Variants in ELF2 observed in about 807,000 individuals in gnomAD.
The protein encoded by ELF2 is E74 like ETS transcription factor 2.
Under a neutral mutation model 54.8 loss-of-function variants are expected in ELF2, and 11 were observed. That is an observed-to-expected ratio of 0.20 (90% CI 0.13 to 0.33). The LOEUF is 0.33. Among genes scored for constraint, ELF2 ranks in the 10% least tolerant of loss-of-function variants. The pLI is 1.00. For synonymous variants in ELF2, 203 were observed against 245.1 expected, an observed-to-expected ratio of 0.83 and a Z score of 1.61; for missense variants, 513 against 703.0, an observed-to-expected ratio of 0.73 and a Z score of 3.06.
At chr4:139,164,835 T>C (rs565984985) in intron 1 of ELF2, among the ~76,000 whole-genome samples, 3 of 152,342 alleles carry the variant, frequency 2.0e-5, no homozygotes, top group Non-Finnish European at 2.9e-5. Context: ...CTGATGTGTC[T>C]GAATTGCTCC....
At chr4:139,144,996 C>G (rs1029506869) in intron 1 of ELF2, among the ~76,000 whole-genome samples, 4 of 152,248 alleles carry the variant, frequency 2.6e-5, no homozygotes, top group Non-Finnish European at 4.4e-5. Context: ...CCATGGGTAA[C>G]ATAAGACAAG....
chr4:139,169,399 C>G (rs1030953564), intron 1 of ELF2, among the ~76,000 whole-genome samples: 4 of 151,724 alleles, frequency 2.6e-5, no homozygotes, highest in Non-Finnish European at 4.4e-5. Context: ...GGCCACAACC[C>G]TGCACAAAGG....
intron 4 of ELF2, chr4:139,084,107 CGG>C: frequency 6.2e-7 from 1 of 1,613,022 alleles, no homozygotes; most frequent in South Asian, 1.1e-5. Context: ...CACCGATGCA[CGG>C]GAGAAAAGTT....
chr4:139,080,943 G>GA (rs374005271), intron 4 of ELF2, among the ~76,000 whole-genome samples: 9,876 of 106,644 alleles, frequency 0.093, 430 homozygotes, highest in East Asian at 0.28. Context: ...TGTAATATTA[G>GA]AAAAAAAAAA....
intron 4 of ELF2, among the ~76,000 whole-genome samples, chr4:139,099,574 G>C (rs1243222902): frequency 2.0e-5 from 3 of 152,112 alleles, no homozygotes. Flanking sequence ...CTACCACCAG[G>C]TGGCACCAAA....
chr4:139,114,979 A>T (rs1735474442), intron 4 of ELF2: 2 of 1,613,734 alleles, frequency 1.2e-6, no homozygotes, highest in South Asian at 2.2e-5. Flanking sequence ...GATCTTGTCC[A>T]GCAGACCAGA....
intron 4 of ELF2, among the ~76,000 whole-genome samples, chr4:139,094,133 CA>C (rs765005698): frequency 6.6e-6 from 1 of 152,054 alleles, no homozygotes; most frequent in Admixed American, 6.6e-5. Flanking sequence ...CTCCCAACCT[CA>C]GGTGATCCAC....
chr4:139,064,224 C>T (rs1227519196), intron 7 of ELF2, among the ~76,000 whole-genome samples: 1 of 152,218 alleles, frequency 6.6e-6, no homozygotes. Context: ...AGGAGAATCC[C>T]TTGAACCCAG....
intron 4 of ELF2, among the ~76,000 whole-genome samples, chr4:139,104,414 G>A (rs1432365495): frequency 6.6e-6 from 1 of 150,810 alleles, no homozygotes; most frequent in South Asian, 2.1e-4. Flanking sequence ...GGAGGCTGAG[G>A]CAGGAGAATA....
intron 4 of ELF2, among the ~76,000 whole-genome samples, chr4:139,120,410 T>C (rs1736195711): frequency 6.6e-6 from 1 of 152,132 alleles, no homozygotes; most frequent in Admixed American, 6.6e-5. Flanking sequence ...CTACAATTAA[T>C]CCTATATCCA....
Position 139,058,619 on chromosome 4 carries a change from T to C in ELF2, c.*364A>G, listed in dbSNP as rs1727355528. On this transcript the variant is annotated 3_prime_UTR_variant, in exon 10 of 10. Transcript: ENST00000686138. ...CATCAAAAATTGCTATATGTAACAATGAGATTACCCATCCCAACCCCTCCC... is the reference window on the plus strand; with the variant it reads ...CATCAAAAATTGCTATATGTAACAACGAGATTACCCATCCCAACCCCTCCC... 5.4e-6 allele frequency: 1 copy of C among 185,814 alleles called. No individual in the cohort carries two copies. Among genetic ancestry groups the C allele is most frequent in the Non-Finnish European group, 1.1e-5 (1 of 89,806 alleles). The allele number at this position is 185,814 out of a possible 1,614,324, so 11.5% of individuals were successfully genotyped here. A position where few individuals can be genotyped will look rare whatever the true frequency, so the allele number is the denominator to read the frequency against.
At chr4:139,166,112 C>T (rs893126744) in intron 1 of ELF2, among the ~76,000 whole-genome samples, 3 of 152,072 alleles carry the variant, frequency 2.0e-5, no homozygotes, top group African/African-American at 7.2e-5. Flanking sequence ...CCGAGACGGG[C>T]GGATCACCTG....
chr4:139,150,779 T>G (rs1005206226), intron 1 of ELF2, among the ~76,000 whole-genome samples: 4 of 151,678 alleles, frequency 2.6e-5, no homozygotes, highest in African/African-American at 9.7e-5. Context: ...TCCCAGCACT[T>G]TGGGAGGCTG....
At chr4:139,090,510 T>C (rs1322033881) in intron 4 of ELF2, among the ~76,000 whole-genome samples, 4 of 152,210 alleles carry the variant, frequency 2.6e-5, no homozygotes, top group Admixed American at 1.3e-4. Context: ...TAAAGGCATT[T>C]TTTGTCTTAT....
intron 3 of ELF2, among the ~76,000 whole-genome samples, chr4:139,132,193 C>A (rs889954730): frequency 6.6e-6 from 1 of 151,318 alleles, no homozygotes; most frequent in Non-Finnish European, 1.5e-5. Context: ...ACAATTGGTA[C>A]AAAAACCAAA....
chr4:139,174,944 T>C (rs573163933), intron 1 of ELF2, among the ~76,000 whole-genome samples: 1 of 152,312 alleles, frequency 6.6e-6, no homozygotes, highest in Admixed American at 6.5e-5. Flanking sequence ...TTTAGGGACC[T>C]GAGCATCCAT....
rs144905883 is a variant in ELF2 at position 139,118,084 on chromosome 4, G to A, written c.238+7080C>T. ...TTGATTATACTACAATACTAACTCA[G>A]AACTCAATCTGTTTCCATTTGTATT... On this transcript the variant is annotated intron_variant, in intron 4 of 9. Coordinates refer to ENST00000686138, the MANE Select transcript of ELF2 (RefSeq NM_001331036.3). 704 of 154,426 alleles carry A rather than the reference G, an allele frequency of 4.6e-3. 5 individuals are homozygous for A. Among genetic ancestry groups the A allele is most frequent in the African/African-American group, 0.016 (676 of 41,570 alleles). 9.6% of individuals were successfully genotyped at this position (154,426 alleles called of 1,614,324 possible). A position where few individuals can be genotyped will look rare whatever the true frequency, so the allele number is the denominator to read the frequency against.
chr4:139,161,193 T>C (rs1560883697), intron 1 of ELF2, among the ~76,000 whole-genome samples: 1 of 152,206 alleles, frequency 6.6e-6, no homozygotes, highest in African/African-American at 2.4e-5. Flanking sequence ...TTAAAATATA[T>C]AGGAATCAAC....
chr4:139,136,578 C>A (rs1738176501), intron 3 of ELF2, among the ~76,000 whole-genome samples: 1 of 151,968 alleles, frequency 6.6e-6, no homozygotes, highest in South Asian at 2.1e-4. Flanking sequence ...AGAAAACTCT[C>A]CATTTTCCCA....
Sources: allele counts gnomAD v4.1 joint callset (sites outside exome capture counted in the v4.1 genomes callset), GRCh38; gene constraint gnomAD v4.1.1; transcripts MANE v1.5; gene names NCBI Gene and HGNC (gene_info 2026-07-23, HGNC 2026-07-21).